Variants in DISC1 observed in about 807,000 individuals in gnomAD.
The protein encoded by DISC1 is disrupted in schizophrenia 1 protein.
A neutral mutation model predicts 84.5 loss-of-function variants in DISC1; 57 were observed. That is an observed-to-expected ratio of 0.67 (90% CI 0.55 to 0.84). The LOEUF (loss-of-function observed/expected upper bound fraction) is 0.84. Ranked by LOEUF, DISC1 falls within the 40% of genes least tolerant of loss-of-function variation. The pLI, the probability that DISC1 is intolerant of heterozygous loss-of-function variation, is 0.00. For synonymous variants in DISC1, 411 were observed against 415.2 expected (o/e 0.99, Z 0.12); for missense variants, 1,000 against 1,057.8 (o/e 0.95, Z 0.76).
intron 9 of DISC1, among the ~76,000 whole-genome samples, chr1:231,918,902 G>T (rs2089820440): frequency 1.3e-5 from 2 of 152,272 alleles, no homozygotes; most frequent in Admixed American, 6.5e-5. Flanking sequence ...CCTAATTTTG[G>T]TTCTAGGTTT....
At chr1:231,819,464 G>C (rs1330187624) in intron 9 of DISC1, among the ~76,000 whole-genome samples, 1 of 152,126 alleles carries the variant, frequency 6.6e-6, no homozygotes, top group Non-Finnish European at 1.5e-5. Flanking sequence ...GTAGAGAGAG[G>C]TTTCTTCATA....
intron 10 of DISC1, among the ~76,000 whole-genome samples, chr1:231,961,548 C>T (rs57929902): frequency 1.8e-3 from 277 of 152,284 alleles, no homozygotes; most frequent in African/African-American, 6.4e-3. Context: ...CCTCCTCTGT[C>T]AGTCTCCAGT....
At chr1:231,647,015 C>T (rs891622146) in intron 1 of DISC1, among the ~76,000 whole-genome samples, 12 of 152,108 alleles carry the variant, frequency 7.9e-5, no homozygotes, top group Non-Finnish European at 1.5e-5. Flanking sequence ...CTATAGGTTG[C>T]CTGTTCACTC....
chr1:231,879,391 A>G lies in DISC1; in HGVS notation c.1981+60874A>G, dbSNP rs113684589. ...AATGGATCCTGCCAAGCAGTTTTACAAAGTGGCCATTTCAATTTGTACTCC... is the reference window on the plus strand; with the variant it reads ...AATGGATCCTGCCAAGCAGTTTTACGAAGTGGCCATTTCAATTTGTACTCC... On this transcript the variant is annotated intron_variant, in intron 9 of 12. Transcript: ENST00000439617. Among the ~76,000 whole-genome samples the G allele has an allele frequency of 4.9e-3, 749 of 152,124 alleles. 6 individuals are homozygous for G. Among genetic ancestry groups the G allele is most frequent in the African/African-American group, 0.017 (710 of 41,500 alleles).
At chr1:231,767,068 T>G in intron 4 of DISC1, 72 bp from the exon 5 acceptor site, 1 of 1,592,820 alleles carries the variant, frequency 6.3e-7, no homozygotes, top group Non-Finnish European at 8.6e-7. Flanking sequence ...AGTTTCTTAC[T>G]CTTAAAATAC....
intron 9 of DISC1, chr1:231,855,247 A>T: frequency 1.0e-6 from 1 of 973,290 alleles, no homozygotes; most frequent in Non-Finnish European, 1.2e-6. Context: ...TACTGTAAAG[A>T]ATCACAAGAG....
At chr1:231,985,710 TG>T (rs1352862435) in intron 10 of DISC1, among the ~76,000 whole-genome samples, 3 of 152,340 alleles carry the variant, frequency 2.0e-5, no homozygotes, top group South Asian at 2.1e-4. Context: ...CTACTATTGT[TG>T]TTTCTGTCAT....
intron 9 of DISC1, among the ~76,000 whole-genome samples, chr1:231,910,997 C>A (rs2089149579): frequency 6.6e-6 from 1 of 152,124 alleles, no homozygotes; most frequent in Non-Finnish European, 1.5e-5. Flanking sequence ...AGGATTGCAA[C>A]CCCTGCTTTC....
At chr1:231,868,280 C>G (rs559565226) in intron 9 of DISC1, among the ~76,000 whole-genome samples, 1 of 152,036 alleles carries the variant, frequency 6.6e-6, no homozygotes, top group Non-Finnish European at 1.5e-5. Flanking sequence ...CGTATTTTCC[C>G]TCCCCTTTTC....
intron 3 of DISC1, among the ~76,000 whole-genome samples, chr1:231,703,485 A>G (rs1054351661): frequency 4.6e-5 from 7 of 152,182 alleles, no homozygotes; most frequent in Non-Finnish European, 8.8e-5. Context: ...GCACAGATTT[A>G]TTTTTATTAC....
chr1:231,682,029 GGGGGGCA>G (rs2063751353), intron 1 of DISC1, among the ~76,000 whole-genome samples: 2 of 152,084 alleles, frequency 1.3e-5, no homozygotes, highest in Admixed American at 1.3e-4. Context: ...TTATGTGCAT[GGGGGGCA>G]TCACAGGAAA....
At chr1:231,639,069 T>A (rs2125153338) in intron 1 of DISC1, among the ~76,000 whole-genome samples, 1 of 152,186 alleles carries the variant, frequency 6.6e-6, no homozygotes, top group South Asian at 2.1e-4. Flanking sequence ...CAGGAGTAGG[T>A]AGAATTGCCC....
chr1:231,880,676 G>C (rs1480197761), intron 9 of DISC1, among the ~76,000 whole-genome samples: 1 of 152,058 alleles, frequency 6.6e-6, no homozygotes, highest in Non-Finnish European at 1.5e-5. Flanking sequence ...CAAGTAGAGA[G>C]GGGAGGAGAC....
chr1:231,912,617 A>C (rs1167164692), intron 9 of DISC1, among the ~76,000 whole-genome samples: 1 of 152,110 alleles, frequency 6.6e-6, no homozygotes, highest in Non-Finnish European at 1.5e-5. Flanking sequence ...CAGTTAGGCT[A>C]CTTGGCAGTC....
At chr1:231,640,590 A>C (rs563774153) in intron 1 of DISC1, among the ~76,000 whole-genome samples, 1 of 148,830 alleles carries the variant, frequency 6.7e-6, no homozygotes, top group African/African-American at 2.5e-5. Flanking sequence ...GTGCAGTGGC[A>C]TGATCACAGC....
chr1:231,969,357 G>A (rs1661593462), intron 10 of DISC1, among the ~76,000 whole-genome samples: 1 of 152,006 alleles, frequency 6.6e-6, no homozygotes, highest in Admixed American at 6.6e-5. Flanking sequence ...GGATCCTAGA[G>A]CACACTGCTG....
intron 10 of DISC1, among the ~76,000 whole-genome samples, chr1:231,974,035 A>T (rs546060732): frequency 3.9e-4 from 59 of 151,824 alleles, no homozygotes; most frequent in African/African-American, 1.3e-3. Context: ...GTACATGTTT[A>T]TGTTTGCAAC....
At chr1:231,829,770 G>T (rs1190247853) in intron 9 of DISC1, among the ~76,000 whole-genome samples, 1 of 152,182 alleles carries the variant, frequency 6.6e-6, no homozygotes, top group East Asian at 1.9e-4. Context: ...TGAAAAGAGA[G>T]TCAGCGAAGG....
intron 11 of DISC1, among the ~76,000 whole-genome samples, chr1:232,020,990 C>T (rs896524609): frequency 5.3e-5 from 8 of 152,202 alleles, no homozygotes; most frequent in Non-Finnish European, 7.3e-5. Flanking sequence ...CCTGATGCTT[C>T]CTGCAGAGAC....
Sources: gnomAD v4.1 joint callset for allele counts (sites outside exome capture counted in the v4.1 genomes callset) on GRCh38, gnomAD v4.1.1 for gene constraint, MANE v1.5 for transcripts, NCBI Gene and HGNC (gene_info 2026-07-23, HGNC 2026-07-21) for gene names.